Variants in ACVR1C observed in about 807,000 individuals in gnomAD.
ACVR1C encodes activin A receptor type 1C, also known as activin receptor type-1C.
In ACVR1C, 23 loss-of-function variants were observed where a neutral mutation model predicts 57.9. The ratio of observed to expected loss-of-function variants is 0.40; its 90% CI spans 0.29 to 0.56. The LOEUF (loss-of-function observed/expected upper bound fraction) is 0.56, where lower values mean the gene tolerates loss of function less well. Ranked by LOEUF, ACVR1C falls within the 20% of genes least tolerant of loss-of-function variation. The pLI, the probability that ACVR1C is intolerant of heterozygous loss-of-function variation, is 0.50. For missense variants in ACVR1C, 480 were observed against 607.9 expected (o/e 0.79, Z 2.21); for synonymous variants, 214 against 215.3 (o/e 0.99, Z 0.05).
intron 1 of ACVR1C, 65 bp downstream of exon 1, chr2:157,628,507 C>A (rs1682954832): frequency 1.3e-6 from 2 of 1,544,398 alleles, no homozygotes; most frequent in East Asian, 4.7e-5. Context: ...CACCCCCGTG[C>A]TCACCCGCAG....
intron 1 of ACVR1C, among the ~76,000 whole-genome samples, chr2:157,615,998 A>G (rs543399184): frequency 2.6e-5 from 4 of 152,086 alleles, no homozygotes; most frequent in Non-Finnish European, 5.9e-5. Context: ...GTTTGGGAGG[A>G]GAGAAATTTG....
chr2:157,593,949 A>C (rs966341815), intron 1 of ACVR1C, among the ~76,000 whole-genome samples: 1 of 152,188 alleles, frequency 6.6e-6, no homozygotes. Context: ...TCCACAAATA[A>C]GGGAAAACAT....
intron 3 of ACVR1C, among the ~76,000 whole-genome samples, chr2:157,555,341 G>T (rs901401932): frequency 4.0e-5 from 6 of 150,684 alleles, no homozygotes; most frequent in Non-Finnish European, 7.4e-5. Flanking sequence ...GGATGGTCTC[G>T]ATCTCCTGAC....
At chr2:157,573,148 A>G (rs1688562620) in intron 2 of ACVR1C, among the ~76,000 whole-genome samples, 1 of 152,326 alleles carries the variant, frequency 6.6e-6, no homozygotes, top group African/African-American at 2.4e-5. Flanking sequence ...TTTTTGATAA[A>G]TTCGATTTTA....
In ACVR1C at chr2:157,596,883, G is replaced by A. The variant is rs540334458; in HGVS notation, c.74-9466C>T. Among the ~76,000 whole-genome samples the A allele has an allele frequency of 9.2e-5, 14 of 152,274 alleles. No homozygotes were observed. In the South Asian group the frequency reaches 2.9e-3, roughly 32 times the overall value. On this transcript the variant is annotated intron_variant, in intron 1 of 8. Transcript: ENST00000243349. Reference sequence around the variant, plus strand: ...AAAAGACATGCACTAAAGGAACTTGGCCTTGTAGGTTAAAGGATGTTAGGA... The same window carrying A: ...AAAAGACATGCACTAAAGGAACTTGACCTTGTAGGTTAAAGGATGTTAGGA...
intron 1 of ACVR1C, among the ~76,000 whole-genome samples, chr2:157,621,588 A>T (rs1213538501): frequency 6.6e-6 from 1 of 152,160 alleles, no homozygotes; most frequent in African/African-American, 2.4e-5. Context: ...CTTCTTTTCC[A>T]CAGCAAGTGT....
At chr2:157,558,474 C>A (rs1688158880) in intron 2 of ACVR1C, among the ~76,000 whole-genome samples, 1 of 152,176 alleles carries the variant, frequency 6.6e-6, no homozygotes, top group Admixed American at 6.5e-5. Flanking sequence ...TCAAATTCCT[C>A]ACAAATGTGT....
intron 1 of ACVR1C, among the ~76,000 whole-genome samples, chr2:157,589,025 C>T (rs1689000010): frequency 6.6e-6 from 1 of 151,230 alleles, no homozygotes; most frequent in South Asian, 2.1e-4. Flanking sequence ...TAAACATACA[C>T]CTGCAGGTAT....
rs1306006057 is a variant in ACVR1C, at chr2:157,529,809, AAAG to A, written c.*4106_*4108del. On this transcript the variant is annotated 3_prime_UTR_variant, in exon 9 of 9. Coordinates refer to ENST00000243349, the MANE Select transcript of ACVR1C (RefSeq NM_145259.3). ...AATATAAAGCAAGGCTAGATGAAAAAAAGAAAGTCAAATATCTATATATTTTCA... is the reference window on the plus strand; with the variant it reads ...AATATAAAGCAAGGCTAGATGAAAAAAAAGTCAAATATCTATATATTTTCA... 1 of 152,128 alleles carries A rather than the reference AAAG, an allele frequency of 6.6e-6. No individual in the cohort carries two copies. Among genetic ancestry groups the A allele is most frequent in the Non-Finnish European group, 1.5e-5 (1 of 67,986 alleles). 9.4% of individuals were successfully genotyped at this position (152,128 alleles called of 1,614,324 possible).
In ACVR1C at chr2:157,528,894, G is replaced by A. The variant is rs2105193152; in HGVS notation, c.*5024C>T. On this transcript the variant is annotated 3_prime_UTR_variant, in exon 9 of 9. Coordinates refer to ENST00000243349, the MANE Select transcript of ACVR1C (RefSeq NM_145259.3). ...TATGAGGTGAAACCTCTTATACAGA[G>A]AACTTAAAATCTTGTTAAGAAGTTC... 6.6e-6 allele frequency: 1 copy of A among 152,250 alleles called. No individual in the cohort carries two copies. The highest frequency in any genetic ancestry group is 1.9e-4 in the East Asian group (1 of 5,184). The allele number at this position is 152,250 out of a possible 1,614,324, so 9.4% of individuals were successfully genotyped here.
intron 1 of ACVR1C, among the ~76,000 whole-genome samples, chr2:157,616,579 G>GT (rs1323412208): frequency 6.6e-6 from 1 of 152,054 alleles, no homozygotes; most frequent in African/African-American, 2.4e-5. Flanking sequence ...TGTGAGTAGG[G>GT]TTTTTCCTTA....
chr2:157,607,316 A>G (rs1682424601), intron 1 of ACVR1C, among the ~76,000 whole-genome samples: 1 of 149,564 alleles, frequency 6.7e-6, no homozygotes, highest in African/African-American at 2.5e-5. Flanking sequence ...GTTCCATATG[A>G]ATTTTAGGAT....
intron 2 of ACVR1C, among the ~76,000 whole-genome samples, chr2:157,584,850 T>C (rs1688878744): frequency 6.6e-6 from 1 of 152,206 alleles, no homozygotes; most frequent in African/African-American, 2.4e-5. Flanking sequence ...AATGGATGAA[T>C]GGATTTTTTA....
At chr2:157,582,967 T>G (rs1386092541) in intron 2 of ACVR1C, among the ~76,000 whole-genome samples, 1 of 152,194 alleles carries the variant, frequency 6.6e-6, no homozygotes, top group Non-Finnish European at 1.5e-5. Flanking sequence ...CTGCAACCTC[T>G]GCCTCCTGGG....
In ACVR1C at chr2:157,528,631, G is replaced by A. The variant is rs1160182844; in HGVS notation, c.*5287C>T. ...TTGTCAAAAGCAAAACAAAGCAATGGTATGGAACAGCAGAAATAAATTTAA... is the reference window on the plus strand; with the variant it reads ...TTGTCAAAAGCAAAACAAAGCAATGATATGGAACAGCAGAAATAAATTTAA... On this transcript the variant is annotated 3_prime_UTR_variant, in exon 9 of 9. Coordinates refer to ENST00000243349, the MANE Select transcript of ACVR1C (RefSeq NM_145259.3). The A allele has an allele frequency of 3.3e-5, 5 of 152,086 alleles. No individual in the cohort carries two copies. The highest frequency in any genetic ancestry group is 4.8e-5 in the African/African-American group (2 of 41,432). 9.4% of individuals were successfully genotyped at this position (152,086 alleles called of 1,614,324 possible).
At chr2:157,572,707 G>A (rs1003594079) in intron 2 of ACVR1C, among the ~76,000 whole-genome samples, 2 of 152,000 alleles carry the variant, frequency 1.3e-5, no homozygotes, top group African/African-American at 4.8e-5. Flanking sequence ...ACTTGTTTCT[G>A]GAGACAAGAA....
At chr2:157,540,406 G>A (rs1221165742) in intron 7 of ACVR1C, among the ~76,000 whole-genome samples, 5 of 151,672 alleles carry the variant, frequency 3.3e-5, no homozygotes. Context: ...TGTTGCCCAG[G>A]CTGGAGTGCA....
chr2:157,554,366 A>G (rs1688037270), intron 3 of ACVR1C, among the ~76,000 whole-genome samples: 1 of 137,670 alleles, frequency 7.3e-6, no homozygotes, highest in Admixed American at 7.0e-5. Context: ...AAAGAAAGAA[A>G]GAAGGGAGGG....
At chr2:157,599,304 A>C (rs910834329) in intron 1 of ACVR1C, among the ~76,000 whole-genome samples, 1 of 120,818 alleles carries the variant, frequency 8.3e-6, no homozygotes. Flanking sequence ...ACTGCACTAC[A>C]GCCTGGGCTC....
Sources: gnomAD v4.1 joint callset for allele counts (sites outside exome capture counted in the v4.1 genomes callset) on GRCh38, gnomAD v4.1.1 for gene constraint, MANE v1.5 for transcripts, NCBI Gene and HGNC (gene_info 2026-07-23, HGNC 2026-07-21) for gene names.